Variants in CDK14 observed in about 807,000 individuals in gnomAD.
The protein encoded by CDK14 is cyclin-dependent kinase 14.
Under a neutral mutation model 60.7 loss-of-function variants are expected in CDK14, and 34 were observed. The observed-to-expected ratio is 0.56, with a 90% CI of 0.43 to 0.75. CDK14 has a LOEUF of 0.75. Among genes scored for constraint, CDK14 ranks in the 30% least tolerant of loss-of-function variants. CDK14 has a pLI of 0.00. For missense variants in CDK14, 482 were observed against 564.1 expected (o/e 0.85, Z 1.47); for synonymous variants, 197 against 203.7 (o/e 0.97, Z 0.28).
At chr7:91,086,947 G>GT (rs141036118) in intron 12 of CDK14, among the ~76,000 whole-genome samples, 2,493 of 152,158 alleles carry the variant, frequency 0.016, 63 homozygotes, top group Non-Finnish European at 0.019. Context: ...TTTTTGTTTT[G>GT]TTTTTTTGCA....
chr7:90,962,684 A>G (rs1794636144), intron 9 of CDK14, among the ~76,000 whole-genome samples: 1 of 152,100 alleles, frequency 6.6e-6, no homozygotes. Flanking sequence ...ACAAATAAAA[A>G]TTTCCCCATT....
chr7:90,875,999 G>A (rs895740670), intron 6 of CDK14, among the ~76,000 whole-genome samples: 2 of 151,966 alleles, frequency 1.3e-5, no homozygotes, highest in African/African-American at 4.8e-5. Context: ...TTTTCTAATA[G>A]TAAAACTATG....
chr7:91,106,802 A>T (rs1048521337), intron 12 of CDK14, among the ~76,000 whole-genome samples: 2 of 152,194 alleles, frequency 1.3e-5, no homozygotes, highest in African/African-American at 2.4e-5. Flanking sequence ...ATACTAAGCC[A>T]ACCTACACCA....
intron 14 of CDK14, among the ~76,000 whole-genome samples, chr7:91,174,617 C>A (rs2115827867): frequency 1.5e-5 from 2 of 135,590 alleles, no homozygotes; most frequent in South Asian, 2.6e-4. Context: ...CTTAAAGGAG[C>A]TGATGGAGCT....
At chr7:90,912,980 T>G (rs73405496) in intron 7 of CDK14, among the ~76,000 whole-genome samples, 3,013 of 152,252 alleles carry the variant, frequency 0.02, 96 homozygotes, top group African/African-American at 0.068. Context: ...TAGTCTCCCT[T>G]CTTTTCTTTT....
chr7:90,854,587 A>G (rs1005931903), intron 5 of CDK14, among the ~76,000 whole-genome samples: 5 of 152,122 alleles, frequency 3.3e-5, no homozygotes, highest in African/African-American at 1.2e-4. Flanking sequence ...AGTAATAGCT[A>G]ATATGATATG....
chr7:90,716,433 A>G (rs550451984), intron 2 of CDK14: 2 of 152,126 alleles, frequency 1.3e-5, no homozygotes, highest in East Asian at 1.9e-4. Flanking sequence ...ATTCAATTCT[A>G]CTTAGGATAA....
chr7:90,990,724 T>C (rs1195110193), intron 10 of CDK14, among the ~76,000 whole-genome samples: 2 of 152,214 alleles, frequency 1.3e-5, no homozygotes, highest in Admixed American at 1.3e-4. Context: ...TTCCAAGCCA[T>C]TAATATGTAA....
chr7:91,175,858 T>C (rs1271017300), intron 14 of CDK14, among the ~76,000 whole-genome samples: 2 of 144,998 alleles, frequency 1.4e-5, no homozygotes, highest in African/African-American at 5.1e-5. Flanking sequence ...ACATTAATAA[T>C]GGGAGACTTT....
intron 10 of CDK14, among the ~76,000 whole-genome samples, chr7:91,013,296 A>C (rs1382364269): frequency 1.3e-5 from 2 of 151,816 alleles, no homozygotes; most frequent in African/African-American, 4.8e-5. Flanking sequence ...AGCTAGTATT[A>C]AACTCATCTA....
At chr7:90,632,863 C>T (rs376790018) in intron 2 of CDK14, among the ~76,000 whole-genome samples, 2 of 152,018 alleles carry the variant, frequency 1.3e-5, no homozygotes, top group Non-Finnish European at 2.9e-5. Flanking sequence ...CCGAGGTGGG[C>T]GGATCACCTG....
At chr7:90,752,764 G>A (rs1803898692) in intron 4 of CDK14, among the ~76,000 whole-genome samples, 1 of 151,894 alleles carries the variant, frequency 6.6e-6, no homozygotes, top group African/African-American at 2.4e-5. Flanking sequence ...ACTAATTAAA[G>A]GAAGAGAGAA....
intron 4 of CDK14, among the ~76,000 whole-genome samples, chr7:90,752,285 A>AT (rs1803876475): frequency 8.6e-6 from 1 of 116,518 alleles, no homozygotes; most frequent in African/African-American, 3.1e-5. Context: ...GTCTCAGTAA[A>AT]TTAAAAAAAA....
intron 6 of CDK14, among the ~76,000 whole-genome samples, chr7:90,868,744 G>C (rs1390024453): frequency 6.6e-6 from 1 of 152,144 alleles, no homozygotes; most frequent in Non-Finnish European, 1.5e-5. Context: ...TCAGCTCTTT[G>C]AGTTGTAGGT....
chr7:90,889,160 A>G (rs1792039904), intron 6 of CDK14, among the ~76,000 whole-genome samples: 1 of 152,238 alleles, frequency 6.6e-6, no homozygotes, highest in Non-Finnish European at 1.5e-5. Flanking sequence ...ATATATGGAT[A>G]TAGAAATATG....
intron 14 of CDK14, among the ~76,000 whole-genome samples, chr7:91,179,119 G>A (rs1801895505): frequency 6.6e-6 from 1 of 152,028 alleles, no homozygotes; most frequent in African/African-American, 2.4e-5. Flanking sequence ...ATGGAACAAT[G>A]ATAGACTGGA....
intron 2 of CDK14, among the ~76,000 whole-genome samples, chr7:90,670,400 G>T: frequency 6.6e-6 from 1 of 152,116 alleles, no homozygotes; most frequent in East Asian, 1.9e-4. Context: ...ATCCTTAGTG[G>T]AGTCTTTCTA....
chr7:90,902,566 A>G (rs1371726807), intron 7 of CDK14, among the ~76,000 whole-genome samples: 2 of 152,152 alleles, frequency 1.3e-5, no homozygotes, highest in Non-Finnish European at 2.9e-5. Flanking sequence ...CAGAAGAATG[A>G]AACAAGACTT....
At position 90,629,150 on chromosome 7, in the gene CDK14, A is replaced by G. The variant is rs547764240; in HGVS notation, c.123+24901A>G. On this transcript the variant is annotated intron_variant, in intron 2 of 14. Coordinates refer to ENST00000380050, the MANE Select transcript of CDK14 (RefSeq NM_001287135.2). ...ACTACGGCAATTACAAATGATAGTTATTATTAATATTTTTAAATGACCTTT... is the reference window on the plus strand; with the variant it reads ...ACTACGGCAATTACAAATGATAGTTGTTATTAATATTTTTAAATGACCTTT... 3.0e-4 allele frequency among the ~76,000 whole-genome samples: 45 copies of G among 152,236 alleles called. No individual in the cohort carries two copies. In the South Asian group the frequency reaches 9.3e-3, roughly 32 times the overall value.
Sources: allele counts gnomAD v4.1 joint callset (sites outside exome capture counted in the v4.1 genomes callset), GRCh38; gene constraint gnomAD v4.1.1; transcripts MANE v1.5; gene names NCBI Gene and HGNC (gene_info 2026-07-23, HGNC 2026-07-21).